Variants in ITK observed in about 807,000 individuals in gnomAD.
ITK encodes tyrosine-protein kinase ITK/TSK.
In ITK, 45 loss-of-function variants were observed where a neutral mutation model predicts 87.6. The ratio of observed to expected loss-of-function variants is 0.51; its 90% CI spans 0.40 to 0.66. The LOEUF is 0.66. Among genes scored for constraint, ITK ranks in the 30% least tolerant of loss-of-function variants. ITK has a pLI of 0.00. For synonymous variants in ITK, 303 were observed against 273.6 expected (o/e 1.11, Z -1.06); for missense variants, 605 against 766.3 (o/e 0.79, Z 2.48).
At chr5:157,251,858 TC>T (rs1348590474) in intron 16 of ITK, among the ~76,000 whole-genome samples, 1 of 152,234 alleles carries the variant, frequency 6.6e-6, no homozygotes, top group African/African-American at 2.4e-5. Flanking sequence ...GTTTATTCTT[TC>T]ACTAGCACCA....
intron 12 of ITK, 42 bp downstream of exon 12, chr5:157,243,836 A>T: frequency 6.3e-7 from 1 of 1,585,152 alleles, no homozygotes; most frequent in Non-Finnish European, 8.7e-7. Flanking sequence ...TCTGGGGGGA[A>T]CATCGGTTCA....
intron 2 of ITK, among the ~76,000 whole-genome samples, chr5:157,209,207 C>T (rs754726623): frequency 6.6e-6 from 1 of 151,946 alleles, no homozygotes; most frequent in Non-Finnish European, 1.5e-5. Context: ...TGGCGGGCGC[C>T]TGTTATCCCA....
Position 157,181,061 on chromosome 5 carries a change from C to T in ITK, c.84C>T (p.Val28=). 1 of 1,614,038 alleles carries T rather than the reference C, an allele frequency of 6.2e-7. No individual in the cohort carries two copies. The highest frequency in any genetic ancestry group is 8.5e-7 in the Non-Finnish European group (1 of 1,179,870). ...KRRTSPSNFK[V]RFFVLTKASL... is the part of the protein sequence containing the mutation. ...GAACTTCTCCCTCGAACTTTAAAGT[C>T]CGCTTCTTTGTGTTAACCAAAGCCA... Residue 28 remains valine, a synonymous_variant, in exon 1 of 17, where the codon GTC becomes GTT. Coordinates refer to ENST00000422843, the MANE Select transcript of ITK (RefSeq NM_005546.4).
In ITK at chr5:157,214,209, G is replaced by A. The variant is rs759851827; in HGVS notation, c.344G>A (p.Ser115Asn). Residue 115 changes from serine (S) to asparagine (N), a missense_variant, in exon 4 of 17, where the codon AGT becomes AAT. By Grantham distance (46) the Ser-to-Asn change is conservative. Coordinates refer to ENST00000422843, the MANE Select transcript of ITK (RefSeq NM_005546.4). ...GTTTCAGAAACGAGGAATAATAACA[G>A]TTTGGTGCCTAAATATCATCCTAAT... ...ALKEETRNNN[S>N]LVPKYHPNFW... is the part of the protein sequence containing the mutation. The A allele has an allele frequency of 6.2e-6, 10 of 1,611,022 alleles. No individual in the cohort carries two copies. The Admixed American group carries it at 1.5e-4, about 24-fold the overall frequency.
At chr5:157,198,010 CAGA>C (rs1298304519) in intron 1 of ITK, among the ~76,000 whole-genome samples, 4 of 150,816 alleles carry the variant, frequency 2.7e-5, no homozygotes, top group Non-Finnish European at 4.4e-5. Context: ...TCAAAGAGTA[CAGA>C]AGGATACAAG....
intron 1 of ITK, among the ~76,000 whole-genome samples, chr5:157,189,660 G>A (rs80339658): frequency 0.019 from 2,889 of 152,212 alleles, 90 homozygotes; most frequent in African/African-American, 0.067. Context: ...CAGCCTGGGC[G>A]ACACAGCAAG....
intron 13 of ITK, 174 bp from the exon 14 acceptor site, chr5:157,245,552 A>G (rs765152787): frequency 1.4e-4 from 94 of 674,538 alleles, no homozygotes; most frequent in Non-Finnish European, 2.4e-4. Context: ...TCAACTTTCC[A>G]GTTAACTTCC....
chr5:157,191,948 T>G (rs1325931236), intron 1 of ITK, among the ~76,000 whole-genome samples: 1 of 152,222 alleles, frequency 6.6e-6, no homozygotes, highest in Non-Finnish European at 1.5e-5. Context: ...TGATCATTTA[T>G]TGCTACATCA....
intron 10 of ITK, 69 bp downstream of exon 10, chr5:157,240,264 C>T (rs1754862707): frequency 7.0e-7 from 1 of 1,422,228 alleles, no homozygotes; most frequent in Admixed American, 1.7e-5. Flanking sequence ...GCAAGCATTA[C>T]TGCCTGAGCT....
intron 5 of ITK, among the ~76,000 whole-genome samples, chr5:157,220,347 C>T (rs1754390017): frequency 6.6e-6 from 1 of 152,208 alleles, no homozygotes; most frequent in South Asian, 2.1e-4. Flanking sequence ...TTCCTCTTGG[C>T]CCCCTGCATC....
At chr5:157,249,036 T>C in intron 16 of ITK, 29 bp downstream of exon 16, 1 of 1,604,944 alleles carries the variant, frequency 6.2e-7, no homozygotes, top group Non-Finnish European at 8.5e-7. Context: ...TCCCCATGCA[T>C]TGTCGTATAC....
At position 157,248,953 on chromosome 5, in the gene ITK, G is replaced by A; in HGVS notation, c.1737G>A (p.Lys579=). ...EDISTGFRLY[K]PRLASTHVYQ... The stretch of plus-strand genomic sequence containing the variant: ...TCAGTACCGGATTTCGGTTGTACAA[G>A]CCCCGGCTGGCCTCCACACACGTCT... The change falls in exon 16 of 17, where the codon AAG becomes AAA. Residue 579 remains lysine (K), a synonymous_variant. Coordinates refer to ENST00000422843, the MANE Select transcript of ITK (RefSeq NM_005546.4). 1 of 1,613,938 alleles carries A rather than the reference G, an allele frequency of 6.2e-7. No individual in the cohort carries two copies. Among genetic ancestry groups the A allele is most frequent in the Non-Finnish European group, 8.5e-7 (1 of 1,179,826 alleles).
At chr5:157,234,904 G>A (rs1754746362) in intron 8 of ITK, among the ~76,000 whole-genome samples, 1 of 152,030 alleles carries the variant, frequency 6.6e-6, no homozygotes, top group African/African-American at 2.4e-5. Flanking sequence ...TTCATGTTCT[G>A]CACATGTACC....
In ITK at chr5:157,253,052, C is replaced by G; in HGVS notation, c.*374C>G. ...TTGCTATTTTTATTGTTATTTTTAA[C>G]ATGAATCTAAAGTTTATGGTTCCAG... On this transcript the variant is annotated 3_prime_UTR_variant, in exon 17 of 17. Coordinates refer to ENST00000422843, the MANE Select transcript of ITK (RefSeq NM_005546.4). 1 of 378,374 alleles carries G rather than the reference C, an allele frequency of 2.6e-6. No individual in the cohort carries two copies. Among genetic ancestry groups the G allele is most frequent in the South Asian group, 3.2e-5 (1 of 31,182 alleles). 23.4% of individuals were successfully genotyped at this position (378,374 alleles called of 1,614,324 possible). A position where few individuals can be genotyped will look rare whatever the true frequency, so the allele number is the denominator to read the frequency against.
At chr5:157,202,832 A>G (rs1426108881) in intron 1 of ITK, among the ~76,000 whole-genome samples, 1 of 152,248 alleles carries the variant, frequency 6.6e-6, no homozygotes, top group Non-Finnish European at 1.5e-5. Context: ...TAAGTTACAT[A>G]TATGGCTCAT....
At chr5:157,218,110 A>T (rs553667138) in intron 5 of ITK, among the ~76,000 whole-genome samples, 7 of 152,332 alleles carry the variant, frequency 4.6e-5, no homozygotes, top group African/African-American at 1.7e-4. Context: ...AGGACCATTC[A>T]GCTGCTAAAT....
intron 16 of ITK, among the ~76,000 whole-genome samples, chr5:157,252,014 C>T (rs1339577545): frequency 6.6e-6 from 1 of 151,912 alleles, no homozygotes; most frequent in African/African-American, 2.4e-5. Flanking sequence ...TTGTCAATAT[C>T]TAAAAAAAAT....
At chr5:157,212,677 T>G (rs974913621) in intron 3 of ITK, among the ~76,000 whole-genome samples, 10 of 151,906 alleles carry the variant, frequency 6.6e-5, no homozygotes, top group Non-Finnish European at 1.5e-4. Context: ...CATAGTGAGA[T>G]CTCATCTCTA....
chr5:157,233,928 G>GATATATATATATAT (rs1554102416), intron 8 of ITK, among the ~76,000 whole-genome samples: 2 of 45,544 alleles, frequency 4.4e-5, no homozygotes, highest in Non-Finnish European at 7.9e-5. Context: ...CCTCCTTACT[G>GATATATATATATAT]ATACATATAT....
Sources: allele counts gnomAD v4.1 joint callset (sites outside exome capture counted in the v4.1 genomes callset), GRCh38; gene constraint gnomAD v4.1.1; transcripts MANE v1.5; gene names NCBI Gene and HGNC (gene_info 2026-07-23, HGNC 2026-07-21).